The following PBX1 variants were observed in gnomAD, a reference collection of about 807,000 sequenced individuals.
PBX1 encodes PBX homeobox 1.
In PBX1, 6 loss-of-function variants were observed where a neutral mutation model predicts 53.4. The observed-to-expected ratio is 0.11, with a 90% CI of 0.06 to 0.22. The LOEUF is 0.22. Among genes scored for constraint, PBX1 ranks in the 10% least tolerant of loss-of-function variants. The pLI is 1.00. For synonymous variants in PBX1, 204 were observed against 212.3 expected, an observed-to-expected ratio of 0.96 and a Z score of 0.34; for missense variants, 251 against 551.4, an observed-to-expected ratio of 0.46 and a Z score of 5.46.
In PBX1 at chr1:164,624,751, C is replaced by T. The variant is rs541517953; in HGVS notation, c.265+61440C>T. Reference sequence around the variant, plus strand: ...TTTTTTTTATTCATGTGTATCATTCCTCCATCTGTAGAAGCTAAAAATACA... The same window carrying T: ...TTTTTTTTATTCATGTGTATCATTCTTCCATCTGTAGAAGCTAAAAATACA... On this transcript the variant is annotated intron_variant, in intron 2 of 8. Coordinates refer to ENST00000420696, the MANE Select transcript of PBX1 (RefSeq NM_002585.4). Among the ~76,000 whole-genome samples the T allele has an allele frequency of 1.1e-3, 169 of 152,094 alleles. 3 individuals carry two copies. Among genetic ancestry groups the T allele is most frequent in the African/African-American group, 3.9e-3 (160 of 41,500 alleles).
chr1:164,844,310 G>A (rs993349895), intron 8 of PBX1, among the ~76,000 whole-genome samples: 10 of 151,802 alleles, frequency 6.6e-5, no homozygotes, highest in South Asian at 2.1e-4. Context: ...CCAGTGTGAC[G>A]TGCTTCCTCT....
At chr1:164,759,305 T>C (rs923428) in intron 2 of PBX1, among the ~76,000 whole-genome samples, 52,547 of 151,762 alleles carry the variant, frequency 0.35, 9,252 homozygotes, top group Non-Finnish European at 0.39. Flanking sequence ...AGTAACATGC[T>C]GTGACTGCAG....
downstream of PBX1, among the ~76,000 whole-genome samples, chr1:164,855,634 A>G (rs1671961349): frequency 6.6e-6 from 1 of 152,234 alleles, no homozygotes; most frequent in African/African-American, 2.4e-5. Context: ...ACAAATGACC[A>G]TAGAAGAGAT....
intron 2 of PBX1, among the ~76,000 whole-genome samples, chr1:164,724,111 GC>G (rs1664552856): frequency 6.6e-6 from 1 of 152,074 alleles, no homozygotes. Context: ...CCCTTCCCTG[GC>G]CCCAAAAGAA....
At chr1:164,568,281 T>C (rs575178032) in intron 2 of PBX1, among the ~76,000 whole-genome samples, 1 of 152,262 alleles carries the variant, frequency 6.6e-6, no homozygotes, top group East Asian at 1.9e-4. Context: ...AGATGGATGA[T>C]ACTATGTTTG....
chr1:164,639,861 A>T (rs1659012024), intron 2 of PBX1, among the ~76,000 whole-genome samples: 1 of 151,980 alleles, frequency 6.6e-6, no homozygotes, highest in Admixed American at 6.6e-5. Flanking sequence ...ATGAGGTCTT[A>T]CTATGTTGCC....
At chr1:164,634,144 CCTT>C (rs1441483558) in intron 2 of PBX1, among the ~76,000 whole-genome samples, 2 of 152,152 alleles carry the variant, frequency 1.3e-5, no homozygotes, top group Non-Finnish European at 2.9e-5. Context: ...TAAGGCTTTT[CCTT>C]CTTCTTGTTT....
chr1:164,816,961 A>G (rs1454234183), intron 6 of PBX1: 1 of 152,216 alleles, frequency 6.6e-6, no homozygotes, highest in South Asian at 2.1e-4. Context: ...ACTTTACCAC[A>G]TCATGATGTC....
At chr1:164,582,217 A>G (rs1029506451) in intron 2 of PBX1, among the ~76,000 whole-genome samples, 1 of 152,190 alleles carries the variant, frequency 6.6e-6, no homozygotes, top group Non-Finnish European at 1.5e-5. Context: ...TCTTTGGGTC[A>G]AACTAGTCTA....
chr1:164,758,715 CTCATGCTCCTT>C (rs1292590989), intron 2 of PBX1, among the ~76,000 whole-genome samples: 1 of 150,166 alleles, frequency 6.7e-6, no homozygotes, highest in African/African-American at 2.4e-5. Context: ...TTTTTTTTTC[CTCATGCTCCTT>C]TCATGCTCCT....
chr1:164,804,998 G>C (rs2102331237), intron 4 of PBX1, among the ~76,000 whole-genome samples: 1 of 152,294 alleles, frequency 6.6e-6, no homozygotes, highest in Non-Finnish European at 1.5e-5. Context: ...AGAGGTATTA[G>C]GGCAGGAGAT....
At chr1:164,814,333 C>A (rs1669770509) in intron 6 of PBX1, 1 of 152,124 alleles carries the variant, frequency 6.6e-6, no homozygotes. Flanking sequence ...TATATTTTGG[C>A]AGAGTTTGAA....
At chr1:164,663,168 T>G (rs1180600457) in intron 2 of PBX1, among the ~76,000 whole-genome samples, 19 of 150,966 alleles carry the variant, frequency 1.3e-4, no homozygotes, top group Non-Finnish European at 2.7e-4. Context: ...CTGCCTGCCT[T>G]CCTTCCTGCC....
chr1:164,618,876 C>A, intron 2 of PBX1, among the ~76,000 whole-genome samples: 1 of 152,170 alleles, frequency 6.6e-6, no homozygotes, highest in East Asian at 1.9e-4. Flanking sequence ...TTGCGTTGTT[C>A]TTCAGCCATT....
intron 2 of PBX1, among the ~76,000 whole-genome samples, chr1:164,743,301 A>G (rs527356598): frequency 3.3e-5 from 5 of 152,228 alleles, no homozygotes; most frequent in Admixed American, 2.6e-4. Flanking sequence ...GTTGACTCTG[A>G]CATGTTGAAT....
intron 2 of PBX1, among the ~76,000 whole-genome samples, chr1:164,724,322 A>G (rs1031067217): frequency 1.3e-5 from 2 of 152,224 alleles, no homozygotes; most frequent in Non-Finnish European, 1.5e-5. Flanking sequence ...TCTCTCATAT[A>G]TGTATGTCAT....
chr1:164,662,697 G>T (rs1018178370), intron 2 of PBX1, among the ~76,000 whole-genome samples: 9 of 152,128 alleles, frequency 5.9e-5, no homozygotes, highest in Admixed American at 4.6e-4. Flanking sequence ...AGATGCCTTT[G>T]TTCATGCTCA....
chr1:164,875,988 G>GTATGTATATATA (rs1553256088), intron 2 of PBX1, among the ~76,000 whole-genome samples: 20 of 56,916 alleles, frequency 3.5e-4, no homozygotes, highest in South Asian at 8.8e-4. Context: ...TGGTGTATGT[G>GTATGTATATATA]TATATATATA....
chr1:164,864,994 G>A (rs530475191), intron 2 of PBX1, among the ~76,000 whole-genome samples: 2 of 152,320 alleles, frequency 1.3e-5, no homozygotes, highest in East Asian at 1.9e-4. Flanking sequence ...GCACTGGGGG[G>A]ATTGCCATCT....
Sources: gnomAD v4.1 joint callset for allele counts (sites outside exome capture counted in the v4.1 genomes callset) on GRCh38, gnomAD v4.1.1 for gene constraint, MANE v1.5 for transcripts, NCBI Gene and HGNC (gene_info 2026-07-23, HGNC 2026-07-21) for gene names.